The following EYA1 variants were observed in gnomAD, a reference collection of about 807,000 sequenced individuals.
EYA1 encodes EYA transcriptional coactivator and phosphatase 1.
EYA1 carries 16 observed loss-of-function variants against 82.0 expected under a neutral mutation model. The observed-to-expected ratio is 0.20, with a 90% CI of 0.13 to 0.30. The LOEUF (loss-of-function observed/expected upper bound fraction) is 0.30, where lower values mean the gene tolerates loss of function less well. Among genes scored for constraint, EYA1 ranks in the 10% least tolerant of loss-of-function variants. EYA1 has a pLI of 1.00. For missense variants in EYA1, 633 were observed against 730.7 expected (o/e 0.87, Z 1.54); for synonymous variants, 261 against 264.4 (o/e 0.99, Z 0.12).
At chr8:71,473,547 AC>A (rs1809405327) in intron 2 of EYA1, among the ~76,000 whole-genome samples, 1 of 152,164 alleles carries the variant, frequency 6.6e-6, no homozygotes, top group African/African-American at 2.4e-5. Flanking sequence ...AAGTCAGGAA[AC>A]AACAGATGCT....
chr8:71,467,757 T>C (rs567377521), intron 2 of EYA1, among the ~76,000 whole-genome samples: 48 of 152,290 alleles, frequency 3.2e-4, no homozygotes, highest in African/African-American at 1.1e-3. Flanking sequence ...ATGAGATACA[T>C]GCACAATTAT....
At chr8:71,331,909 G>A (rs1823921321) in intron 4 of EYA1, among the ~76,000 whole-genome samples, 1 of 152,126 alleles carries the variant, frequency 6.6e-6, no homozygotes, top group Admixed American at 6.5e-5. Context: ...GTGCAGTGGT[G>A]CAATCATAGC....
intron 6 of EYA1, among the ~76,000 whole-genome samples, chr8:71,320,502 A>G (rs1031548121): frequency 1.6e-4 from 25 of 152,198 alleles, no homozygotes; most frequent in African/African-American, 5.5e-4. Context: ...TCCATAGCTA[A>G]TATTATTATG....
At chr8:71,532,180 TG>T (rs1375104208) in intron 2 of EYA1, among the ~76,000 whole-genome samples, 1 of 152,160 alleles carries the variant, frequency 6.6e-6, no homozygotes, top group Non-Finnish European at 1.5e-5. Context: ...AATCTCACAA[TG>T]ACAGTGGCAG....
At chr8:71,455,119 C>T (rs1453200084) in intron 2 of EYA1, among the ~76,000 whole-genome samples, 1 of 152,158 alleles carries the variant, frequency 6.6e-6, no homozygotes, top group African/African-American at 2.4e-5. Flanking sequence ...TAAGAGAATA[C>T]TATAAATACC....
At position 71,383,439 on chromosome 8, in the gene EYA1, T is replaced by A. The variant is rs542806564; in HGVS notation, c.34-26928A>T. Among the ~76,000 whole-genome samples, 225 of 152,258 alleles carry A rather than the reference T, an allele frequency of 1.5e-3. 2 individuals are homozygous for A. The highest frequency in any genetic ancestry group is 4.5e-3 in the African/African-American group (189 of 41,580). On this transcript the variant is annotated intron_variant, in intron 2 of 18. Transcript: ENST00000643681. Reference sequence around the variant, plus strand: ...AAAATTGTAATTAAAGGAGTTTTTTTAAAAATTAACAGCTTACATTTCCAT... The same window carrying A: ...AAAATTGTAATTAAAGGAGTTTTTTAAAAAATTAACAGCTTACATTTCCAT...
chr8:71,326,052 A>G (rs1392682537), intron 4 of EYA1, among the ~76,000 whole-genome samples: 1 of 152,220 alleles, frequency 6.6e-6, no homozygotes, highest in African/African-American at 2.4e-5. Flanking sequence ...TACATATGCC[A>G]CAGAGCCTTG....
intron 2 of EYA1, among the ~76,000 whole-genome samples, chr8:71,419,901 T>C (rs904616418): frequency 1.3e-5 from 2 of 152,134 alleles, no homozygotes; most frequent in Non-Finnish European, 2.9e-5. Flanking sequence ...ATATTTTACA[T>C]TAATTATCTT....
intron 11 of EYA1, among the ~76,000 whole-genome samples, chr8:71,245,308 C>A (rs1159438654): frequency 1.3e-5 from 2 of 152,110 alleles, no homozygotes; most frequent in Admixed American, 1.3e-4. Flanking sequence ...CTCACTGCAG[C>A]CTCCATGTCC....
intron 6 of EYA1, among the ~76,000 whole-genome samples, chr8:71,319,950 T>A (rs1822351545): frequency 6.6e-6 from 1 of 152,158 alleles, no homozygotes; most frequent in Non-Finnish European, 1.5e-5. Context: ...TGAAAATTAT[T>A]CCCTGGGAAT....
chr8:71,420,703 A>G (rs913197453), intron 2 of EYA1, among the ~76,000 whole-genome samples: 1 of 152,158 alleles, frequency 6.6e-6, no homozygotes, highest in Non-Finnish European at 1.5e-5. Flanking sequence ...TTGTGCTTCA[A>G]GTCTCCAGAA....
chr8:71,441,472 A>C (rs544356016), intron 2 of EYA1, among the ~76,000 whole-genome samples: 1 of 152,288 alleles, frequency 6.6e-6, no homozygotes, highest in South Asian at 2.1e-4. Flanking sequence ...CTGGAAGTCT[A>C]ATTTCTATCT....
intron 2 of EYA1, among the ~76,000 whole-genome samples, chr8:71,437,083 T>TTA (rs59140624): frequency 0.022 from 3,169 of 144,884 alleles, 40 homozygotes; most frequent in East Asian, 0.032. Flanking sequence ...TCCATCTTGT[T>TTA]TATATATATA....
At chr8:71,362,243 A>G (rs1317623997), upstream of EYA1, 3 of 964,154 alleles carry the variant, frequency 3.1e-6, no homozygotes, top group Non-Finnish European at 3.7e-6. Flanking sequence ...AAATGCAACA[A>G]TTGAAAGGAG....
At chr8:71,351,692 A>T (rs767554816) in intron 3 of EYA1, among the ~76,000 whole-genome samples, 1 of 152,214 alleles carries the variant, frequency 6.6e-6, no homozygotes, top group Non-Finnish European at 1.5e-5. Context: ...GTGAGTACAG[A>T]ACCTACAAAC....
intron 16 of EYA1, among the ~76,000 whole-genome samples, chr8:71,213,200 C>T (rs999402994): frequency 3.3e-5 from 5 of 151,654 alleles, no homozygotes; most frequent in Admixed American, 1.3e-4. Flanking sequence ...ATATTTTAAA[C>T]AAAATGCCCA....
At chr8:71,456,559 A>C (rs1414030962) in intron 2 of EYA1, among the ~76,000 whole-genome samples, 1 of 152,202 alleles carries the variant, frequency 6.6e-6, no homozygotes, top group Non-Finnish European at 1.5e-5. Flanking sequence ...CAAAACAGAG[A>C]TATAGATCAA....
chr8:71,319,292 G>A (rs1387930268), intron 6 of EYA1, among the ~76,000 whole-genome samples: 1 of 152,034 alleles, frequency 6.6e-6, no homozygotes, highest in African/African-American at 2.4e-5. Context: ...CACCACGCCT[G>A]GCTAATTTTT....
At chr8:71,254,073 G>T (rs1478722996) in intron 11 of EYA1, among the ~76,000 whole-genome samples, 1 of 151,738 alleles carries the variant, frequency 6.6e-6, no homozygotes, top group Non-Finnish European at 1.5e-5. Context: ...CCAAACTCTT[G>T]AGTTTTCTTC....
Sources: allele counts gnomAD v4.1 joint callset (sites outside exome capture counted in the v4.1 genomes callset), GRCh38; gene constraint gnomAD v4.1.1; transcripts MANE v1.5; gene names NCBI Gene and HGNC (gene_info 2026-07-23, HGNC 2026-07-21).